The following PAX5 variants were observed in gnomAD, a reference collection of about 807,000 sequenced individuals.
PAX5 encodes paired box protein Pax-5.
PAX5 carries 9 observed loss-of-function variants against 43.7 expected under a neutral mutation model. The observed-to-expected ratio is 0.21, with a 90% CI of 0.12 to 0.36. The LOEUF (loss-of-function observed/expected upper bound fraction) is 0.36. PAX5 is among the 10% of genes least tolerant of loss of function. The pLI is 1.00. For missense variants in PAX5, 383 were observed against 532.7 expected (o/e 0.72, Z 2.77); for synonymous variants, 228 against 214.3 (o/e 1.06, Z -0.56).
At chr9:36,840,744 C>T in intron 9 of PAX5, 108 bp from the exon 10 acceptor site, 2 of 675,058 alleles carry the variant, frequency 3.0e-6, no homozygotes, top group Non-Finnish European at 5.0e-6. Context: ...CCACCATCCT[C>T]TCTCACCAAG....
chr9:36,939,368 G>C (rs972074240), intron 6 of PAX5, among the ~76,000 whole-genome samples: 2 of 152,104 alleles, frequency 1.3e-5, no homozygotes, highest in African/African-American at 4.8e-5. Context: ...GGGCAGGGCT[G>C]ACCCATTTTT....
intron 8 of PAX5, among the ~76,000 whole-genome samples, chr9:36,852,457 G>A (rs1587756585): frequency 1.3e-5 from 2 of 152,332 alleles, no homozygotes; most frequent in East Asian, 3.9e-4. Context: ...GGAGGGGAGG[G>A]CTGCGTGGGA....
intron 5 of PAX5, among the ~76,000 whole-genome samples, chr9:36,973,485 T>C (rs565572134): frequency 1.3e-5 from 2 of 152,328 alleles, no homozygotes; most frequent in East Asian, 1.9e-4. Context: ...GGAATTGGCA[T>C]CTTCAGGTGG....
chr9:36,866,664 C>A (rs75377918), intron 8 of PAX5, among the ~76,000 whole-genome samples: 2 of 151,946 alleles, frequency 1.3e-5, no homozygotes, highest in Non-Finnish European at 2.9e-5. Context: ...TTTATTGCTT[C>A]GGTGAGGAAC....
At chr9:36,872,672 A>C (rs1395902620) in intron 8 of PAX5, among the ~76,000 whole-genome samples, 1 of 152,130 alleles carries the variant, frequency 6.6e-6, no homozygotes, top group Non-Finnish European at 1.5e-5. Flanking sequence ...TGTGTGTATC[A>C]GTTTCTCCTC....
At chr9:37,008,760 T>A (rs1205462977) in intron 3 of PAX5, among the ~76,000 whole-genome samples, 1 of 152,234 alleles carries the variant, frequency 6.6e-6, no homozygotes, top group Admixed American at 6.5e-5. Context: ...TTTGTTTGTT[T>A]TCCCTAATAT....
chr9:37,010,541 T>C (rs1838834449), intron 3 of PAX5, among the ~76,000 whole-genome samples: 1 of 152,282 alleles, frequency 6.6e-6, no homozygotes, highest in South Asian at 2.1e-4. Flanking sequence ...TCTGAGGGAC[T>C]TTGTGGCATT....
At chr9:37,002,985 G>A (rs1299140462) in intron 4 of PAX5, 2 of 565,628 alleles carry the variant, frequency 3.5e-6, no homozygotes, top group Non-Finnish European at 6.2e-6. Context: ...CTGCGATGGG[G>A]GGAGAAAGGG....
chr9:36,938,673 C>T (rs976953253), intron 6 of PAX5, among the ~76,000 whole-genome samples: 8 of 152,146 alleles, frequency 5.3e-5, no homozygotes, highest in Non-Finnish European at 1.2e-4. Context: ...GTTTTATCCC[C>T]AAATAAAAGT....
intron 5 of PAX5, among the ~76,000 whole-genome samples, chr9:36,986,329 C>A (rs2282078): frequency 6.8e-6 from 1 of 147,078 alleles, no homozygotes; most frequent in African/African-American, 2.4e-5. Context: ...GGCGCGCCGC[C>A]GCCTCCACGC....
At chr9:37,008,832 C>T (rs1292063136) in intron 3 of PAX5, among the ~76,000 whole-genome samples, 1 of 152,190 alleles carries the variant, frequency 6.6e-6, no homozygotes. Flanking sequence ...AAACTCATGG[C>T]ATTTGGGAGA....
chr9:36,888,754 C>T (rs1408332989), intron 7 of PAX5, among the ~76,000 whole-genome samples: 1 of 152,170 alleles, frequency 6.6e-6, no homozygotes, highest in Non-Finnish European at 1.5e-5. Context: ...CAGACCTGAC[C>T]CCAGGGAGGA....
chr9:36,888,854 C>A (rs1361390108), intron 7 of PAX5, among the ~76,000 whole-genome samples: 3 of 152,200 alleles, frequency 2.0e-5, no homozygotes, highest in Non-Finnish European at 4.4e-5. Flanking sequence ...CCCCCGTTGC[C>A]TCCAGAGCCA....
intron 8 of PAX5, among the ~76,000 whole-genome samples, chr9:36,873,026 A>T (rs1825624119): frequency 6.6e-6 from 1 of 152,084 alleles, no homozygotes; most frequent in Non-Finnish European, 1.5e-5. Context: ...GGGGCTTCTC[A>T]CGCACTGGTC....
At chr9:36,976,738 G>A (rs896580911) in intron 5 of PAX5, among the ~76,000 whole-genome samples, 21 of 152,154 alleles carry the variant, frequency 1.4e-4, no homozygotes, top group African/African-American at 3.1e-4. Context: ...TGCCAAATAC[G>A]TTCAGGTTTG....
chr9:36,842,341 G>T (rs564237403), intron 9 of PAX5, among the ~76,000 whole-genome samples: 63 of 152,240 alleles, frequency 4.1e-4, no homozygotes, highest in Non-Finnish European at 7.1e-4. Context: ...TGGCACGAAG[G>T]CAGGGTAATC....
chr9:37,010,903 T>C (rs1431994383), intron 3 of PAX5, among the ~76,000 whole-genome samples: 1 of 152,022 alleles, frequency 6.6e-6, no homozygotes, highest in Non-Finnish European at 1.5e-5. Flanking sequence ...AGTGGATCAC[T>C]TGAGTCCAGG....
chr9:36,929,883 G>A (rs950208982), intron 6 of PAX5, among the ~76,000 whole-genome samples: 13 of 152,076 alleles, frequency 8.5e-5, no homozygotes. Flanking sequence ...CCACCACCAT[G>A]CCCAGCTCAT....
intron 3 of PAX5, among the ~76,000 whole-genome samples, chr9:37,010,853 G>A (rs964857631): frequency 6.6e-6 from 1 of 152,170 alleles, no homozygotes; most frequent in Non-Finnish European, 1.5e-5. Flanking sequence ...GCCTGTGACT[G>A]TTGTGGAGAA....
Sources: allele counts gnomAD v4.1 joint callset (sites outside exome capture counted in the v4.1 genomes callset), GRCh38; gene constraint gnomAD v4.1.1; transcripts MANE v1.5; gene names NCBI Gene and HGNC (gene_info 2026-07-23, HGNC 2026-07-21).